The following EPHB1 variants were observed in gnomAD, a reference collection of about 807,000 sequenced individuals.
EPHB1 encodes ephrin type-B receptor 1.
EPHB1 carries 30 observed loss-of-function variants against 94.4 expected under a neutral mutation model. That is an observed-to-expected ratio of 0.32 (90% CI 0.24 to 0.43). The LOEUF (loss-of-function observed/expected upper bound fraction) is 0.43. Among genes scored for constraint, EPHB1 ranks in the 20% least tolerant of loss-of-function variants. EPHB1 has a pLI of 1.00. For missense variants in EPHB1, 1,055 were observed against 1,308.3 expected, an observed-to-expected ratio of 0.81 and a Z score of 2.99; for synonymous variants, 522 against 489.1, an observed-to-expected ratio of 1.07 and a Z score of -0.89.
intron 3 of EPHB1, among the ~76,000 whole-genome samples, chr3:135,069,137 A>C (rs1937628482): frequency 6.6e-6 from 1 of 151,298 alleles, no homozygotes; most frequent in Non-Finnish European, 1.5e-5. Context: ...ACCTGATCCA[A>C]GGTCACAAAT....
intron 1 of EPHB1, among the ~76,000 whole-genome samples, chr3:134,866,908 C>T (rs72984060): frequency 0.011 from 1,676 of 152,292 alleles, 26 homozygotes; most frequent in African/African-American, 0.039. Flanking sequence ...TCTTAGAAAA[C>T]TCCACAAGGA....
intron 1 of EPHB1, among the ~76,000 whole-genome samples, chr3:134,805,356 T>G (rs912064231): frequency 7.2e-5 from 11 of 152,168 alleles, no homozygotes; most frequent in Non-Finnish European, 1.5e-4. Flanking sequence ...ATCCACCGCA[T>G]TTTGGACAGG....
chr3:135,104,395 T>C (rs1355965453), intron 3 of EPHB1, among the ~76,000 whole-genome samples: 1 of 152,236 alleles, frequency 6.6e-6, no homozygotes. Context: ...CCTTTCATGT[T>C]TGATGTGTTA....
intron 3 of EPHB1, among the ~76,000 whole-genome samples, chr3:135,070,611 G>A (rs1475802721): frequency 1.3e-5 from 2 of 152,090 alleles, no homozygotes; most frequent in South Asian, 4.1e-4. Flanking sequence ...CAGGGCATTT[G>A]CTTATTATTA....
At chr3:134,916,019 CA>C (rs944093598) in intron 1 of EPHB1, among the ~76,000 whole-genome samples, 3 of 152,164 alleles carry the variant, frequency 2.0e-5, no homozygotes, top group African/African-American at 7.2e-5. Flanking sequence ...GTCTGTTTTA[CA>C]GAGAGCTGAT....
chr3:135,146,779 G>A (rs1489050394), intron 5 of EPHB1, among the ~76,000 whole-genome samples: 2 of 152,092 alleles, frequency 1.3e-5, no homozygotes, highest in Admixed American at 6.5e-5. Flanking sequence ...AAATACCTGA[G>A]GCTGTCTCTG....
At chr3:134,812,892 C>T (rs2036202773) in intron 1 of EPHB1, among the ~76,000 whole-genome samples, 1 of 152,168 alleles carries the variant, frequency 6.6e-6, no homozygotes, top group African/African-American at 2.4e-5. Flanking sequence ...TATATATTCT[C>T]CGATGAAATG....
chr3:135,054,206 C>T lies in EPHB1; in HGVS notation c.806-52242C>T, dbSNP rs60797645. Among the ~76,000 whole-genome samples, 1,192 of 151,988 alleles carry T rather than the reference C, an allele frequency of 7.8e-3. 17 individuals are homozygous for T. Among genetic ancestry groups the T allele is most frequent in the African/African-American group, 0.027 (1,108 of 41,448 alleles). On this transcript the variant is annotated intron_variant, in intron 3 of 15. Transcript: ENST00000398015. ...CAGTTGAAAGCCTCAAATTAAGTTACAAAAAAGACTCCAAAAAACAAAGTT... is the reference window on the plus strand; with the variant it reads ...CAGTTGAAAGCCTCAAATTAAGTTATAAAAAAGACTCCAAAAAACAAAGTT...
At chr3:134,916,365 G>C (rs911860991) in intron 1 of EPHB1, among the ~76,000 whole-genome samples, 1 of 152,242 alleles carries the variant, frequency 6.6e-6, no homozygotes, top group South Asian at 2.1e-4. Context: ...GCACTCCTCA[G>C]CCCTTGGGCG....
chr3:135,203,040 A>G (rs1942798802), intron 12 of EPHB1, among the ~76,000 whole-genome samples: 1 of 152,250 alleles, frequency 6.6e-6, no homozygotes, highest in East Asian at 1.9e-4. Context: ...ATGCAGCCAT[A>G]TAAAAGAATG....
chr3:135,224,746 G>A (rs1399741351), intron 12 of EPHB1, among the ~76,000 whole-genome samples: 1 of 152,172 alleles, frequency 6.6e-6, no homozygotes, highest in African/African-American at 2.4e-5. Flanking sequence ...ATACCAGTGA[G>A]CACTTGTCAT....
chr3:134,837,658 T>C (rs1039045673), intron 1 of EPHB1, among the ~76,000 whole-genome samples: 3 of 152,220 alleles, frequency 2.0e-5, no homozygotes, highest in Non-Finnish European at 2.9e-5. Context: ...TAGGCCTTGC[T>C]TTCTTGCTCA....
At chr3:135,041,305 T>C (rs1365412990) in intron 3 of EPHB1, among the ~76,000 whole-genome samples, 1 of 152,196 alleles carries the variant, frequency 6.6e-6, no homozygotes, top group African/African-American at 2.4e-5. Flanking sequence ...AGTTCACTTG[T>C]CTGGCTCAGT....
intron 7 of EPHB1, 47 bp downstream of exon 7, chr3:135,162,227 G>A (rs1341713155): frequency 6.6e-7 from 1 of 1,507,872 alleles, no homozygotes; most frequent in Admixed American, 2.1e-5. Flanking sequence ...CAGGCAGTGT[G>A]GGAGAAAAAG....
At chr3:134,946,788 G>GCTT (rs200755367) in intron 2 of EPHB1, among the ~76,000 whole-genome samples, 1 of 96,734 alleles carries the variant, frequency 1.0e-5, no homozygotes, top group East Asian at 2.1e-4. Flanking sequence ...TGACATGCCT[G>GCTT]CTCCTCCACC....
intron 3 of EPHB1, among the ~76,000 whole-genome samples, chr3:135,052,805 G>T (rs1473896027): frequency 3.3e-5 from 4 of 121,786 alleles, no homozygotes; most frequent in Non-Finnish European, 1.6e-5. Context: ...AGCTTGCAGT[G>T]AGCCAAGATC....
chr3:135,226,750 A>G (rs939988697), intron 12 of EPHB1, among the ~76,000 whole-genome samples: 12 of 152,204 alleles, frequency 7.9e-5, no homozygotes, highest in African/African-American at 2.7e-4. Context: ...ATCTGAAGAA[A>G]GAAATCTCTA....
Position 135,259,231 on chromosome 3 carries a change from T to A in EPHB1, c.*111T>A. ...AGAGACTGGCTTCTCAGCTGAGGAATGCATTTCCATCAGTGAAGAATCAAC... is the reference window on the plus strand; with the variant it reads ...AGAGACTGGCTTCTCAGCTGAGGAAAGCATTTCCATCAGTGAAGAATCAAC... On this transcript the variant is annotated 3_prime_UTR_variant, in exon 16 of 16. Transcript: ENST00000398015. The A allele has an allele frequency of 1.3e-6, 1 of 791,292 alleles. No homozygotes were observed. Among genetic ancestry groups the A allele is most frequent in the African/African-American group, 1.7e-5 (1 of 57,364 alleles). 49.0% of individuals were successfully genotyped at this position (791,292 alleles called of 1,614,324 possible). A position where few individuals can be genotyped will look rare whatever the true frequency, so the allele number is the denominator to read the frequency against.
At chr3:135,216,082 C>T (rs953529527) in intron 12 of EPHB1, among the ~76,000 whole-genome samples, 2 of 152,320 alleles carry the variant, frequency 1.3e-5, no homozygotes, top group Admixed American at 6.5e-5. Flanking sequence ...CCAGACCACA[C>T]TTGGGCTCCA....
Sources: allele counts gnomAD v4.1 joint callset (sites outside exome capture counted in the v4.1 genomes callset), GRCh38; gene constraint gnomAD v4.1.1; transcripts MANE v1.5; gene names NCBI Gene and HGNC (gene_info 2026-07-23, HGNC 2026-07-21).